Variants in DNAH14 observed in about 807,000 individuals in gnomAD.
The protein encoded by DNAH14 is axonemal beta dynein heavy chain 14.
DNAH14 carries 478 observed loss-of-function variants against 520.9 expected under a neutral mutation model. The observed-to-expected ratio is 0.92, with a 90% confidence interval of 0.85 to 0.99. The LOEUF (loss-of-function observed/expected upper bound fraction) is 0.99. Ranked by LOEUF, DNAH14 falls within the 50% of genes least tolerant of loss-of-function variation. DNAH14 has a pLI of 0.00. For missense variants in DNAH14, 4,831 were observed against 5,234.5 expected, an observed-to-expected ratio of 0.92 and a Z score of 2.38; for synonymous variants, 1,581 against 1,757.2, an observed-to-expected ratio of 0.90 and a Z score of 2.51.
intron 10 of DNAH14, among the ~76,000 whole-genome samples, chr1:225,018,099 A>G (rs1346217596): frequency 6.6e-6 from 1 of 152,202 alleles, no homozygotes; most frequent in Non-Finnish European, 1.5e-5. Context: ...TTTAATTCAG[A>G]ATCTGAATGG....
intron 21 of DNAH14, among the ~76,000 whole-genome samples, chr1:225,092,431 A>T (rs1355912457): frequency 6.6e-6 from 1 of 152,138 alleles, no homozygotes; most frequent in Non-Finnish European, 1.5e-5. Flanking sequence ...CTGAATGACT[A>T]TTGGGTAAAT....
chr1:225,108,064 G>A (rs913794769), intron 23 of DNAH14, among the ~76,000 whole-genome samples: 1 of 152,156 alleles, frequency 6.6e-6, no homozygotes, highest in Non-Finnish European at 1.5e-5. Flanking sequence ...CTCAATCTGG[G>A]TAGACACCAT....
chr1:225,370,034 A>T (rs1437143004), intron 77 of DNAH14, among the ~76,000 whole-genome samples: 1 of 152,146 alleles, frequency 6.6e-6, no homozygotes, highest in Non-Finnish European at 1.5e-5. Flanking sequence ...TCACGCCCAT[A>T]ATCCCAGCAC....
chr1:224,959,966 T>G (rs1315563133), intron 3 of DNAH14, among the ~76,000 whole-genome samples, 187 bp from the exon 4 acceptor site: 2 of 152,160 alleles, frequency 1.3e-5, no homozygotes, highest in African/African-American at 4.8e-5. Context: ...AAGTAAATCA[T>G]GTGACTATGA....
chr1:225,210,618 G>A (rs1047839180), intron 41 of DNAH14, among the ~76,000 whole-genome samples: 1 of 152,230 alleles, frequency 6.6e-6, no homozygotes, highest in Admixed American at 6.5e-5. Flanking sequence ...TCTCAGAAGA[G>A]AGCAGTGGCT....
intron 84 of DNAH14, among the ~76,000 whole-genome samples, 160 bp downstream of exon 84, chr1:225,392,611 G>C (rs1057489860): frequency 6.6e-6 from 1 of 152,126 alleles, no homozygotes; most frequent in African/African-American, 2.4e-5. Context: ...AATGCCCTCA[G>C]ACTTCATGTC....
rs377569460 is a variant in DNAH14 at position 225,307,482 on chromosome 1, A to G, written c.9027A>G (p.Leu3009=). The G allele has an allele frequency of 1.9e-6, 3 of 1,548,294 alleles. No homozygotes were observed. Among genetic ancestry groups the G allele is most frequent in the African/African-American group, 2.7e-5 (2 of 72,762 alleles). ...QTKRDRFHMG[L]STILEATTLV... ...TCAGGGATCGCTTCCATATGGGTCTATCCACAATCCTGGAAGCAACCACTC... is the reference window on the plus strand; with the variant it reads ...TCAGGGATCGCTTCCATATGGGTCTGTCCACAATCCTGGAAGCAACCACTC... Residue 3009 remains leucine (L), a synonymous_variant, in exon 59 of 86, where the codon CTA becomes CTG. Transcript: ENST00000682510.
chr1:225,219,863 A>C (rs185983624), intron 41 of DNAH14, among the ~76,000 whole-genome samples: 22 of 152,296 alleles, frequency 1.4e-4, no homozygotes, highest in Admixed American at 2.6e-4. Context: ...AAAAAAGAAA[A>C]TTTCAGGCCA....
chr1:224,985,609 T>C (rs1018079517), intron 8 of DNAH14, among the ~76,000 whole-genome samples: 1 of 151,942 alleles, frequency 6.6e-6, no homozygotes, highest in Non-Finnish European at 1.5e-5. Context: ...CAATAACTTA[T>C]CAAAACATAG....
intron 46 of DNAH14, 77 bp downstream of exon 46, chr1:225,259,330 T>TA (rs1009560063): frequency 3.7e-5 from 39 of 1,056,322 alleles, no homozygotes; most frequent in African/African-American, 6.7e-5. Flanking sequence ...TGCCTGTTTT[T>TA]AAAAAAAGCA....
chr1:224,931,415 A>G (rs755628554), intron 1 of DNAH14, among the ~76,000 whole-genome samples: 1 of 152,186 alleles, frequency 6.6e-6, no homozygotes, highest in Non-Finnish European at 1.5e-5. Flanking sequence ...TGGTACATGT[A>G]TCTAATGTGT....
At chr1:225,397,869 A>C (rs1383690392) in intron 84 of DNAH14, 1 of 151,984 alleles carries the variant, frequency 6.6e-6, no homozygotes, top group African/African-American at 2.4e-5. Flanking sequence ...AACGTGATGA[A>C]ACCCGATCTC....
At chr1:225,007,105 T>C (rs1244836990) in intron 9 of DNAH14, among the ~76,000 whole-genome samples, 2 of 152,228 alleles carry the variant, frequency 1.3e-5, no homozygotes, top group Non-Finnish European at 2.9e-5. Flanking sequence ...AAAGTAAAAG[T>C]AGTTTCTGGG....
At chr1:224,967,322 T>C (rs986792210) in intron 5 of DNAH14, 109 bp from the exon 6 acceptor site, 3 of 607,200 alleles carry the variant, frequency 4.9e-6, no homozygotes, top group African/African-American at 3.9e-5. Flanking sequence ...ATTTTTAATC[T>C]GTATTAAAAT....
chr1:225,288,111 G>A (rs377017742), intron 54 of DNAH14, among the ~76,000 whole-genome samples: 51 of 152,108 alleles, frequency 3.4e-4, no homozygotes, highest in African/African-American at 1.1e-3. Flanking sequence ...ACATAGTGAC[G>A]TTCTCCCAAA....
At chr1:224,990,665 T>C (rs2062974913) in intron 8 of DNAH14, among the ~76,000 whole-genome samples, 1 of 152,230 alleles carries the variant, frequency 6.6e-6, no homozygotes, top group African/African-American at 2.4e-5. Context: ...CCATTGCATA[T>C]AGATACCACA....
In DNAH14 at chr1:225,038,896, T is replaced by C. The variant is rs977337074; in HGVS notation, c.1488+73T>C. 2.3e-6 allele frequency: 3 copies of C among 1,295,332 alleles called. No individual in the cohort carries two copies. In the African/African-American group the frequency reaches 4.6e-5, roughly 20 times the overall value. The allele number at this position is 1,295,332 out of a possible 1,614,324, so 80.2% of individuals were successfully genotyped here. On this transcript the variant is annotated intron_variant, in intron 12 of 85. Coordinates refer to ENST00000682510, the MANE Select transcript of DNAH14 (RefSeq NM_001367479.1). ...TGAATACATTTTAAAATTTAAAATG[T>C]GATTTATGATTAATACCCACAAGCC...
intron 17 of DNAH14, among the ~76,000 whole-genome samples, chr1:225,058,809 A>T (rs1220634442): frequency 1.3e-5 from 2 of 152,166 alleles, no homozygotes; most frequent in Non-Finnish European, 1.5e-5. Context: ...ATTCAGGAGC[A>T]GGTTGTTCAG....
intron 23 of DNAH14, among the ~76,000 whole-genome samples, chr1:225,102,021 T>C (rs370461222): frequency 6.6e-6 from 1 of 150,986 alleles, no homozygotes; most frequent in East Asian, 2.0e-4. Context: ...TAGGTATATC[T>C]CCTAATGCTA....
Sources: gnomAD v4.1 joint callset for allele counts (sites outside exome capture counted in the v4.1 genomes callset) on GRCh38, gnomAD v4.1.1 for gene constraint, MANE v1.5 for transcripts, NCBI Gene and HGNC (gene_info 2026-07-23, HGNC 2026-07-21) for gene names.